The following LGALS9 variants were observed in gnomAD, a reference collection of about 807,000 sequenced individuals.
LGALS9 encodes galectin 9, also known as galectin-9.
In LGALS9, 26 loss-of-function variants were observed where a neutral mutation model predicts 35.9. The ratio of observed to expected loss-of-function variants is 0.72; its 90% CI spans 0.53 to 1.01. LGALS9 has a LOEUF of 1.01. LGALS9 is among the 50% of genes least tolerant of loss of function. The pLI, the probability that LGALS9 is intolerant of heterozygous loss-of-function variation, is 0.00. For missense variants in LGALS9, 347 were observed against 445.8 expected, an observed-to-expected ratio of 0.78 and a Z score of 1.99; for synonymous variants, 149 against 172.2, an observed-to-expected ratio of 0.87 and a Z score of 1.06.
rs1357263463 is a variant in LGALS9, at chr17:27,646,577, C to G, written c.658C>G (p.His220Asp). The G allele has an allele frequency of 6.2e-7, 1 of 1,612,408 alleles. No individual in the cohort carries two copies. The highest frequency in any genetic ancestry group is 2.2e-5 in the East Asian group (1 of 44,878). The change falls in exon 8 of 11, where the codon CAC becomes GAC. Residue 220 changes from histidine (H) to aspartate (D), a missense_variant. By Grantham distance (81) the His-to-Asp change is moderately conservative. Coordinates refer to ENST00000395473, the MANE Select transcript of LGALS9 (RefSeq NM_009587.3). ...CGCCATCCCACCTATGATGTACCCC[C>G]ACCCCGCCTATGTAAGTGGTTTCTC... The part of the protein sequence containing the change: ...TPAIPPMMYP[H>D]PAYPMPFITT...
At chr17:27,642,572 G>A in intron 4 of LGALS9, 1 of 1,015,336 alleles carries the variant, frequency 9.8e-7, no homozygotes, top group Non-Finnish European at 1.4e-6. Context: ...TGGTCTCCCA[G>A]ACTCCTCAGC....
At chr17:27,642,830 A>T (rs574181819) in intron 4 of LGALS9, among the ~76,000 whole-genome samples, 96 of 152,306 alleles carry the variant, frequency 6.3e-4, no homozygotes, top group Non-Finnish European at 1.1e-3. Context: ...CAGAGGTCAC[A>T]CAGTGGCCCC....
chr17:27,636,382 C>G (rs1333357530), intron 1 of LGALS9, among the ~76,000 whole-genome samples: 1 of 152,244 alleles, frequency 6.6e-6, no homozygotes, highest in East Asian at 1.9e-4. Context: ...CCCTCCCTCG[C>G]TTGCTTCCTT....
chr17:27,643,472 C>T (rs1264526438), intron 4 of LGALS9, 53 bp from the exon 5 acceptor site: 28 of 1,608,388 alleles, frequency 1.7e-5, no homozygotes, highest in Non-Finnish European at 2.4e-5. Flanking sequence ...TTCGGCTTCT[C>T]CTTGGCTCTA....
chr17:27,640,339 G>A (rs913859019), intron 2 of LGALS9: 23 of 628,850 alleles, frequency 3.7e-5, no homozygotes, highest in Non-Finnish European at 5.5e-5. Flanking sequence ...TTCCTTAACC[G>A]TTTTCTATTT....
Position 27,640,676 on chromosome 17 carries a change from A to G in LGALS9, c.236A>G (p.Asn79Ser). 6.2e-7 allele frequency: 1 copy of G among 1,614,248 alleles called. No individual in the cohort carries two copies. Among genetic ancestry groups the G allele is most frequent in the East Asian group, 2.2e-5 (1 of 44,886 alleles). ...GGYVVCNTRQNGSWGPEERKT... is the reference protein window; with the variant it reads ...GGYVVCNTRQSGSWGPEERKT... Reference sequence around the variant, plus strand: ...TACGTGGTGTGCAACACGAGGCAGAACGGAAGCTGGGGGCCCGAGGAGAGG... The same window carrying G: ...TACGTGGTGTGCAACACGAGGCAGAGCGGAAGCTGGGGGCCCGAGGAGAGG... Residue 79 changes from asparagine to serine, a missense_variant, in exon 3 of 11, where the codon AAC becomes AGC. Physicochemically the swap from Asn to Ser is conservative, Grantham distance 46. Transcript: ENST00000395473.
chr17:27,635,023 G>A (rs553177167), intron 1 of LGALS9, among the ~76,000 whole-genome samples: 1 of 152,070 alleles, frequency 6.6e-6, no homozygotes, highest in Non-Finnish European at 1.5e-5. Flanking sequence ...CTATTAAATG[G>A]AAATACCCTA....
At chr17:27,646,354 G>A (rs1204774416) in intron 7 of LGALS9, among the ~76,000 whole-genome samples, 193 bp from the exon 8 acceptor site, 5 of 152,194 alleles carry the variant, frequency 3.3e-5, no homozygotes, top group African/African-American at 1.2e-4. Context: ...TGACCGTGGT[G>A]TGGTCTGGGA....
rs148364190 is a variant in LGALS9, at chr17:27,639,194, G to A, written c.131+840G>A. Among the ~76,000 whole-genome samples, 746 of 152,266 alleles carry A rather than the reference G, an allele frequency of 4.9e-3. 6 individuals are homozygous for A. The highest frequency in any genetic ancestry group is 0.012 in the African/African-American group (488 of 41,546). ...ACCTAGATTCTTGGTGACCTCCTCCGCCATTGCCATCCTGCTGTGGGACTT... is the reference window on the plus strand; with the variant it reads ...ACCTAGATTCTTGGTGACCTCCTCCACCATTGCCATCCTGCTGTGGGACTT... On this transcript the variant is annotated intron_variant, in intron 2 of 10. Coordinates refer to ENST00000395473, the MANE Select transcript of LGALS9 (RefSeq NM_009587.3).
intron 1 of LGALS9, among the ~76,000 whole-genome samples, chr17:27,634,826 G>T (rs2074428075): frequency 6.6e-6 from 1 of 152,076 alleles, no homozygotes; most frequent in African/African-American, 2.4e-5. Context: ...GTTTCTGGGG[G>T]GTGGCCCACT....
intron 2 of LGALS9, among the ~76,000 whole-genome samples, chr17:27,639,614 G>A (rs1392016723): frequency 6.7e-6 from 1 of 149,238 alleles, no homozygotes; most frequent in Non-Finnish European, 1.5e-5. Context: ...CTTTCACCCA[G>A]CCTGGAGTTC....
chr17:27,643,532 G>T lies in LGALS9; in HGVS notation c.452G>T (p.Arg151Leu). The T allele has an allele frequency of 6.2e-7, 1 of 1,611,770 alleles. No individual in the cohort carries two copies. The highest frequency in any genetic ancestry group is 8.5e-7 in the Non-Finnish European group (1 of 1,179,740). Residue 151 changes from arginine (R) to leucine (L), a missense_variant, in exon 5 of 11, where the codon CGC becomes CTC. By Grantham distance (102) the Arg-to-Leu change is moderately radical. Coordinates refer to ENST00000395473, the MANE Select transcript of LGALS9 (RefSeq NM_009587.3). ...TGCCTTTTGTTTTAACAGAACCCCC[G>T]CACAGTCCCTGTTCAGCCTGCCTTC... ...QLSYISFQNP[R>L]TVPVQPAFST...
At chr17:27,634,797 C>T (rs1177595155) in intron 1 of LGALS9, among the ~76,000 whole-genome samples, 3 of 152,094 alleles carry the variant, frequency 2.0e-5, no homozygotes, top group East Asian at 3.9e-4. Flanking sequence ...TCACAGTTTC[C>T]GGGGATTCGA....
rs2074390437 is a variant in LGALS9, at chr17:27,631,296, C to A, written c.31C>A (p.Leu11Met). 5.0e-6 allele frequency: 8 copies of A among 1,614,180 alleles called. No homozygotes were observed. Among genetic ancestry groups the A allele is most frequent in the Middle Eastern group, 1.7e-4 (1 of 6,060 alleles). The change falls in exon 1 of 11, where the codon CTG (leucine) becomes ATG (methionine). Residue 11 changes from leucine (L) to methionine (M), a missense_variant. Leu to Met is a conservative substitution (Grantham distance 15, BLOSUM62 2). Coordinates refer to ENST00000395473, the MANE Select transcript of LGALS9 (RefSeq NM_009587.3). MAFSGSQAPY[L>M]SPAVPFSGTI... ...CTTCAGCGGTTCCCAGGCTCCCTAC[C>A]TGAGTCCAGTGAGTTCCAGGGCTAT... is the stretch of plus-strand genomic sequence containing the variant.
chr17:27,641,804 T>C (rs2151294130), intron 3 of LGALS9, among the ~76,000 whole-genome samples: 1 of 151,800 alleles, frequency 6.6e-6, no homozygotes, highest in Middle Eastern at 3.4e-3. Context: ...TGAAACCCCA[T>C]CTCTACTAAA....
intron 4 of LGALS9, 38 bp downstream of exon 4, chr17:27,642,386 G>C (rs751582791): frequency 6.2e-7 from 1 of 1,611,374 alleles, no homozygotes. Context: ...CAGGGGCTGG[G>C]ATGCAGGGCC....
chr17:27,640,708 C>T lies in LGALS9; in HGVS notation c.268C>T (p.His90Tyr), dbSNP rs1314355946. ...GSWGPEERKT[H>Y]MPFQKGMPFD... is the part of the protein sequence containing the mutation. ...CTGGGGGCCCGAGGAGAGGAAGACACACATGCCTTTCCAGAAGGGGATGCC... is the reference window on the plus strand; with the variant it reads ...CTGGGGGCCCGAGGAGAGGAAGACATACATGCCTTTCCAGAAGGGGATGCC... Residue 90 changes from histidine (H) to tyrosine (Y), a missense_variant, in exon 3 of 11, where the codon CAC (histidine) becomes TAC (tyrosine). By Grantham distance (83) the His-to-Tyr change is moderately conservative. Transcript: ENST00000395473. 6.2e-7 allele frequency: 1 copy of T among 1,614,236 alleles called. No homozygotes were observed. The highest frequency in any genetic ancestry group is 1.1e-5 in the South Asian group (1 of 91,088).
intron 1 of LGALS9, among the ~76,000 whole-genome samples, chr17:27,635,066 T>C (rs2074431684): frequency 6.6e-6 from 1 of 152,230 alleles, no homozygotes; most frequent in Non-Finnish European, 1.5e-5. Flanking sequence ...CAGAGGACTT[T>C]TAAGCTCTTT....
intron 3 of LGALS9, 65 bp from the exon 4 acceptor site, chr17:27,642,173 G>C (rs1466497671): frequency 1.5e-5 from 23 of 1,574,094 alleles, no homozygotes; most frequent in Non-Finnish European, 2.0e-5. Context: ...GGGTCCAGGA[G>C]CTCAGGGGTG....
Sources: gnomAD v4.1 joint callset for allele counts (sites outside exome capture counted in the v4.1 genomes callset) on GRCh38, gnomAD v4.1.1 for gene constraint, MANE v1.5 for transcripts, NCBI Gene and HGNC (gene_info 2026-07-23, HGNC 2026-07-21) for gene names.